The following NCOA6 variants were observed in gnomAD, a reference collection of about 807,000 sequenced individuals.
The protein encoded by NCOA6 is NRC RAP250.
A neutral mutation model predicts 171.4 loss-of-function variants in NCOA6; 49 were observed. The observed-to-expected ratio is 0.29, with a 90% CI of 0.23 to 0.36. The LOEUF (loss-of-function observed/expected upper bound fraction) is 0.36, where lower values mean the gene tolerates loss of function less well. Ranked by LOEUF, NCOA6 falls within the 10% of genes least tolerant of loss-of-function variation. The probability of loss-of-function intolerance (pLI) is 1.00; values close to 1 mark genes in which losing one functional copy is unlikely to be tolerated. For missense variants in NCOA6, 2,248 were observed against 2,554.5 expected, an observed-to-expected ratio of 0.88 and a Z score of 2.59; for synonymous variants, 910 against 927.5, an observed-to-expected ratio of 0.98 and a Z score of 0.34.
chr20:34,801,860 C>CAAAA (rs1337557503), intron 1 of NCOA6, among the ~76,000 whole-genome samples: 3 of 139,290 alleles, frequency 2.2e-5, no homozygotes, highest in African/African-American at 7.9e-5. Context: ...GACTCCATCT[C>CAAAA]AAAAACAAAA....
chr20:34,825,086 G>A (rs1026302825), intron 1 of NCOA6, among the ~76,000 whole-genome samples: 9 of 151,880 alleles, frequency 5.9e-5, no homozygotes, highest in African/African-American at 1.9e-4. Flanking sequence ...TTCCTTCTCC[G>A]CGACCCTGAC....
chr20:34,816,007 T>C (rs937028783), intron 1 of NCOA6, among the ~76,000 whole-genome samples: 3 of 152,178 alleles, frequency 2.0e-5, no homozygotes, highest in Non-Finnish European at 2.9e-5. Flanking sequence ...TCAAATGTCT[T>C]AGACCTGGCA....
At chr20:34,811,399 AC>A (rs2146625266) in intron 1 of NCOA6, among the ~76,000 whole-genome samples, 1 of 151,890 alleles carries the variant, frequency 6.6e-6, no homozygotes, top group South Asian at 2.1e-4. Flanking sequence ...TCTAGGTGCA[AC>A]AACCTCTCCC....
At chr20:34,824,484 G>A (rs1335860792) in intron 1 of NCOA6, among the ~76,000 whole-genome samples, 2 of 152,088 alleles carry the variant, frequency 1.3e-5, no homozygotes, top group Non-Finnish European at 2.9e-5. Context: ...CCTTTCTGAT[G>A]ACCTCTCCAG....
rs1555858095 is a variant in NCOA6 at position 34,811,234 on chromosome 20, T to TAC, written c.-164+14237_-164+14238insGT. 4.0e-3 allele frequency among the ~76,000 whole-genome samples: 476 copies of TAC among 119,984 alleles called. 16 individuals are homozygous for TAC. Among genetic ancestry groups the TAC allele is most frequent in the African/African-American group, 0.013 (433 of 32,572 alleles). 78.7% of individuals were successfully genotyped at this position (119,984 alleles called of 152,430 possible). A position where few individuals can be genotyped will look rare whatever the true frequency, so the allele number is the denominator to read the frequency against. ...ATATATATATATATATATATATATATATGCTTTCAAAATGCATTTTACAAA... is the reference window on the plus strand; with the variant it reads ...ATATATATATATATATATATATATATACATGCTTTCAAAATGCATTTTACAAA... On this transcript the variant is annotated intron_variant, in intron 1 of 14. Coordinates refer to ENST00000359003, the MANE Select transcript of NCOA6 (RefSeq NM_014071.5).
chr20:34,791,504 C>T (rs2077883783), intron 2 of NCOA6, among the ~76,000 whole-genome samples: 1 of 152,120 alleles, frequency 6.6e-6, no homozygotes, highest in Non-Finnish European at 1.5e-5. Flanking sequence ...GAGTGAAGGA[C>T]TGGTCGTACC....
At position 34,742,819 on chromosome 20, in the gene NCOA6, C is replaced by G; in HGVS notation, c.3437G>C (p.Gly1146Ala). The change falls in exon 11 of 15, where the codon GGC becomes GCC. Residue 1146 changes from glycine to alanine, a missense_variant. Gly to Ala is a moderately conservative substitution (Grantham distance 60, BLOSUM62 0). This residue lies in a region of NCOA6 where 352 missense variants were observed against 419.1 expected (regional missense o/e 0.84). Coordinates refer to ENST00000359003, the MANE Select transcript of NCOA6 (RefSeq NM_014071.5). ...SGSEAPSVPGGPNNMPSHVVL... is the reference protein window; with the variant it reads ...SGSEAPSVPGAPNNMPSHVVL... ...TACATGTGAAGGCATGTTGTTTGGG[C>G]CTCCTGGGACAGATGGTGCTTCACT... The G allele has an allele frequency of 1.2e-6, 2 of 1,614,150 alleles. No homozygotes were observed. Among genetic ancestry groups the G allele is most frequent in the Non-Finnish European group, 1.7e-6 (2 of 1,180,032 alleles).
chr20:34,746,968 A>G (rs766070806), intron 9 of NCOA6, 40 bp from the exon 10 acceptor site: 9 of 1,465,092 alleles, frequency 6.1e-6, no homozygotes, highest in African/African-American at 2.9e-5. Flanking sequence ...ATATTTTAGA[A>G]TAAGTTGTAT....
chr20:34,792,776 ATTT>A (rs35924752), intron 1 of NCOA6, among the ~76,000 whole-genome samples: 28 of 112,296 alleles, frequency 2.5e-4, no homozygotes, highest in Admixed American at 7.6e-4. Context: ...ATCTTTTCTG[ATTT>A]TTTTTTTTTT....
intron 2 of NCOA6, among the ~76,000 whole-genome samples, chr20:34,785,320 G>A (rs1209428401): frequency 6.6e-6 from 1 of 151,540 alleles, no homozygotes; most frequent in African/African-American, 2.4e-5. Context: ...CAACAGCAGG[G>A]TCAGTGGCTC....
intron 14 of NCOA6, among the ~76,000 whole-genome samples, 198 bp downstream of exon 14, chr20:34,727,061 T>C (rs1990037213): frequency 6.6e-6 from 1 of 152,218 alleles, no homozygotes; most frequent in East Asian, 1.9e-4. Flanking sequence ...GCAGTGCTTG[T>C]TGCTCTTGAG....
At chr20:34,764,824 C>G (rs2076927597) in intron 5 of NCOA6, among the ~76,000 whole-genome samples, 1 of 151,702 alleles carries the variant, frequency 6.6e-6, no homozygotes, top group South Asian at 2.1e-4. Flanking sequence ...TAAGAAAGCT[C>G]TCATGAGGGC....
In NCOA6 at chr20:34,757,619, G is replaced by A; in HGVS notation, c.1129C>T (p.Pro377Ser). The A allele has an allele frequency of 1.2e-6, 2 of 1,613,970 alleles. No homozygotes were observed. Among genetic ancestry groups the A allele is most frequent in the Non-Finnish European group, 1.7e-6 (2 of 1,179,928 alleles). The change falls in exon 7 of 15, where the codon CCC (proline) becomes TCC (serine). Residue 377 changes from proline to serine, a missense_variant. Pro to Ser is a moderately conservative substitution (Grantham distance 74). Around this residue, in one of 7 missense-constraint regions of NCOA6, gnomAD observed 987 missense variants for 1,104.7 expected, o/e 0.89. Transcript: ENST00000359003. ...TGTGAGGCTTGCTGGCTGCCAAAGG[G>A]ATATGGAGGGGGAGGGTGGGAAGGC... is the stretch of plus-strand genomic sequence containing the variant. ...QTPSHPPPPY[P>S]FGSQQASQAH...
intron 13 of NCOA6, 111 bp downstream of exon 13, chr20:34,732,448 G>T: frequency 9.9e-7 from 1 of 1,005,900 alleles, no homozygotes; most frequent in Non-Finnish European, 1.5e-6. Flanking sequence ...ACTGGTGCAA[G>T]AGTGAAGGAA....
chr20:34,765,135 A>G lies in NCOA6; in HGVS notation c.514+3329T>C, dbSNP rs535043207. Among the ~76,000 whole-genome samples, 12 of 151,096 alleles carry G rather than the reference A, an allele frequency of 7.9e-5. No homozygotes were observed. The South Asian group carries it at 2.3e-3, about 29-fold the overall frequency. On this transcript the variant is annotated intron_variant, in intron 5 of 14. Transcript: ENST00000359003. ...GACTGCTTCACAAGAAAAAAAAAAAAAGAGAAAGCTCTCATGAGATAAGAA... is the reference window on the plus strand; with the variant it reads ...GACTGCTTCACAAGAAAAAAAAAAAGAGAGAAAGCTCTCATGAGATAAGAA...
intron 1 of NCOA6, among the ~76,000 whole-genome samples, chr20:34,808,704 C>T (rs930673717): frequency 2.6e-5 from 4 of 152,156 alleles, no homozygotes; most frequent in African/African-American, 9.7e-5. Flanking sequence ...TCCCGAAGTG[C>T]TGGGATTACA....
intron 1 of NCOA6, among the ~76,000 whole-genome samples, chr20:34,796,275 G>A (rs1266285885): frequency 2.0e-5 from 3 of 151,760 alleles, no homozygotes; most frequent in African/African-American, 7.3e-5. Flanking sequence ...CTCCCAAAGT[G>A]CTGGGATTAT....
chr20:34,765,015 G>A (rs972421335), intron 5 of NCOA6, among the ~76,000 whole-genome samples: 4 of 151,920 alleles, frequency 2.6e-5, no homozygotes, highest in Admixed American at 6.6e-5. Flanking sequence ...CTAGTCACTC[G>A]TGAGGCTGAG....
At position 34,766,402 on chromosome 20, in the gene NCOA6, A is replaced by G. The variant is rs192045475; in HGVS notation, c.514+2062T>C. On this transcript the variant is annotated intron_variant, in intron 5 of 14. Coordinates refer to ENST00000359003, the MANE Select transcript of NCOA6 (RefSeq NM_014071.5). ...GAGGCTGAGGTGGGCAGATCACTTG[A>G]GCCCAGGAGTTCAACCAGCCTGGTC... is the stretch of plus-strand genomic sequence containing the variant. Among the ~76,000 whole-genome samples, 38 of 152,228 alleles carry G rather than the reference A, an allele frequency of 2.5e-4. 1 individual carries two copies. Among genetic ancestry groups the G allele is most frequent in the African/African-American group, 7.9e-4 (33 of 41,536 alleles).
Sources: gnomAD v4.1 joint callset for allele counts (sites outside exome capture counted in the v4.1 genomes callset) on GRCh38, gnomAD v4.1.1 for gene constraint, gnomAD v4.1.1 regional missense constraint, MANE v1.5 for transcripts, NCBI Gene and HGNC (gene_info 2026-07-23, HGNC 2026-07-21) for gene names.